XPO5: variants seen among roughly 807,000 people sequenced by gnomAD.
The protein encoded by XPO5 is exportin 5.
Under a neutral mutation model 160.6 loss-of-function variants are expected in XPO5, and 46 were observed. The observed-to-expected ratio is 0.29, with a 90% confidence interval of 0.23 to 0.37. The LOEUF is 0.37. Ranked by LOEUF, XPO5 falls within the 10% of genes least tolerant of loss-of-function variation. The pLI, the probability that XPO5 is intolerant of heterozygous loss-of-function variation, is 1.00. For synonymous variants in XPO5, 537 were observed against 519.3 expected (o/e 1.03, Z -0.46); for missense variants, 1,090 against 1,463.9 (o/e 0.74, Z 4.17).
In XPO5 at chr6:43,525,158, A is replaced by G; in HGVS notation, c.3123T>C (p.Thr1041=). The change falls in exon 29 of 32, where the codon ACT becomes ACC. Residue 1041 remains threonine, a synonymous_variant. Coordinates refer to ENST00000265351, the MANE Select transcript of XPO5 (RefSeq NM_020750.3). ...TAFNSLAWKD[T]LSCQRTTSQL... ...GTGAGGTTGTCCTCTGGCAGGACAG[A>G]GTATCTTTCCAGGCCAGGGAATTGA... is the stretch of plus-strand genomic sequence containing the variant. 6.3e-7 allele frequency: 1 copy of G among 1,585,268 alleles called. No individual in the cohort carries two copies.
At chr6:43,560,425 T>C in intron 10 of XPO5, 122 bp from the exon 11 acceptor site, 1 of 1,239,046 alleles carries the variant, frequency 8.1e-7, no homozygotes, top group Non-Finnish European at 1.1e-6. Context: ...TTTGAAGCTG[T>C]CTCTACTGCA....
chr6:43,555,684 A>G, intron 13 of XPO5, 152 bp downstream of exon 13: 1 of 888,296 alleles, frequency 1.1e-6, no homozygotes, highest in Non-Finnish European at 1.6e-6. Flanking sequence ...GTGTCAGCCA[A>G]TGAAAACGCT....
At chr6:43,524,780 G>T in intron 30 of XPO5, 51 bp downstream of exon 30, 2 of 1,608,170 alleles carry the variant, frequency 1.2e-6, no homozygotes, top group South Asian at 2.2e-5. Context: ...ACTAGGAGCA[G>T]ACTGAGTGAT....
intron 20 of XPO5, chr6:43,538,839 C>G (rs1582211233): frequency 1.7e-6 from 2 of 1,201,080 alleles, no homozygotes. Flanking sequence ...GTAGCCACAG[C>G]TGGAGCCTGG....
At chr6:43,562,429 G>C in intron 8 of XPO5, 83 bp from the exon 9 acceptor site, 1 of 1,037,716 alleles carries the variant, frequency 9.6e-7, no homozygotes, top group South Asian at 1.4e-5. Flanking sequence ...ATTTCTCCAA[G>C]TCATTTAGTT....
chr6:43,532,560 C>CT (rs1794050106), intron 21 of XPO5, among the ~76,000 whole-genome samples: 1 of 152,214 alleles, frequency 6.6e-6, no homozygotes, highest in Non-Finnish European at 1.5e-5. Context: ...TCTCTATGTT[C>CT]TGGACATACC....
intron 20 of XPO5, among the ~76,000 whole-genome samples, chr6:43,534,465 T>C (rs1183801631): frequency 2.6e-5 from 4 of 152,266 alleles, no homozygotes; most frequent in Middle Eastern, 3.4e-3. Flanking sequence ...TTGGACCTGA[T>C]AGAGGAACAC....
Position 43,546,730 on chromosome 6 carries a change from A to G in XPO5, c.2183T>C (p.Ile728Thr), listed in dbSNP as rs1370858364. The part of the protein sequence containing the change: ...RARMSFCVYS[I>T]LGVVKRTCWP... ...GCAAGTTCGTTTCACCACACCCAGA[A>G]TGCTGTATACACAAAAGCTCATCTA... Residue 728 changes from isoleucine (I) to threonine (T), a missense_variant, in exon 20 of 32, where the codon ATT becomes ACT. By Grantham distance (89) the Ile-to-Thr change is moderately conservative. This residue lies in a region of XPO5 where 810 missense variants were observed against 1,139.0 expected (regional missense o/e 0.71). Transcript: ENST00000265351. 8 of 1,608,964 alleles carry G rather than the reference A, an allele frequency of 5.0e-6. No individual in the cohort carries two copies. The highest frequency in any genetic ancestry group is 1.3e-5 in the African/African-American group (1 of 74,756).
chr6:43,568,741 A>G lies in XPO5; in HGVS notation c.622-4T>C. On this transcript the variant is annotated splice_polypyrimidine_tract_variant and splice_region_variant and intron_variant, in intron 5 of 31. Coordinates refer to ENST00000265351, the MANE Select transcript of XPO5 (RefSeq NM_020750.3). ...ACTCCTGAGAAGTATCTGTCTTCTG[A>G]AAGGAAGTATAAAGATCCAGTGTTT... The G allele has an allele frequency of 6.4e-7, 1 of 1,574,766 alleles. No individual in the cohort carries two copies. The highest frequency in any genetic ancestry group is 8.6e-7 in the Non-Finnish European group (1 of 1,158,126).
Position 43,570,489 on chromosome 6 carries a change from G to C in XPO5, c.621+13C>G, listed in dbSNP as rs770585731. ...TGGAAAATAGAAATGTTATAGGTAG[G>C]GGTATCCCTTACCACTTGCTGATAC... On this transcript the variant is annotated intron_variant, in intron 5 of 31. Coordinates refer to ENST00000265351, the MANE Select transcript of XPO5 (RefSeq NM_020750.3). 1 of 1,610,586 alleles carries C rather than the reference G, an allele frequency of 6.2e-7. No individual in the cohort carries two copies. Among genetic ancestry groups the C allele is most frequent in the Non-Finnish European group, 8.5e-7 (1 of 1,178,284 alleles).
At chr6:43,573,747 T>C (rs1763129456) in intron 1 of XPO5, 146 bp from the exon 2 acceptor site, 2 of 938,514 alleles carry the variant, frequency 2.1e-6, no homozygotes, top group South Asian at 3.5e-5. Context: ...GGTGGACTAC[T>C]TGAGTCTAGG....
intron 1 of XPO5, among the ~76,000 whole-genome samples, chr6:43,575,337 G>A (rs1763248586): frequency 6.6e-6 from 1 of 152,174 alleles, no homozygotes; most frequent in East Asian, 1.9e-4. Context: ...GGGCCAGCAG[G>A]AAAACGTTTA....
intron 5 of XPO5, among the ~76,000 whole-genome samples, chr6:43,570,003 CTTT>C (rs35322286): frequency 1.6e-3 from 134 of 85,372 alleles, no homozygotes; most frequent in Non-Finnish European, 2.6e-3. Flanking sequence ...AGATCCCTAT[CTTT>C]TTTTTTTTTT....
At chr6:43,533,054 G>C (rs1794082783) in intron 21 of XPO5, among the ~76,000 whole-genome samples, 1 of 152,174 alleles carries the variant, frequency 6.6e-6, no homozygotes, top group Non-Finnish European at 1.5e-5. Context: ...AGAATCACTT[G>C]AACCTGGAAG....
chr6:43,564,918 TTCTC>T (rs1280916222), intron 8 of XPO5, among the ~76,000 whole-genome samples: 235 of 151,146 alleles, frequency 1.6e-3, no homozygotes, highest in African/African-American at 5.2e-3. Context: ...CTGCCTCATT[TTCTC>T]TCTTTTTTTT....
chr6:43,551,587 C>CT, intron 14 of XPO5, 134 bp from the exon 15 acceptor site: 1 of 1,055,650 alleles, frequency 9.5e-7, no homozygotes. Context: ...CACAGTGGCA[C>CT]AATCATCACT....
At chr6:43,560,156 T>C (rs1762343084) in intron 11 of XPO5, 22 bp downstream of exon 11, 1 of 1,608,012 alleles carries the variant, frequency 6.2e-7, no homozygotes, top group Non-Finnish European at 8.5e-7. Context: ...ACATTCCACA[T>C]GTTTAGATTC....
intron 23 of XPO5, 59 bp from the exon 24 acceptor site, chr6:43,528,984 G>T (rs1427907638): frequency 1.3e-6 from 2 of 1,510,094 alleles, no homozygotes; most frequent in Admixed American, 3.8e-5. Flanking sequence ...CCTGCCAGGT[G>T]GTGGGTTGCA....
At chr6:43,531,899 C>T (rs1794008222) in intron 21 of XPO5, among the ~76,000 whole-genome samples, 1 of 152,096 alleles carries the variant, frequency 6.6e-6, no homozygotes, top group Non-Finnish European at 1.5e-5. Flanking sequence ...AGTTATGAAA[C>T]CCCTTTTTTA....
Sources: gnomAD v4.1 joint callset for allele counts (sites outside exome capture counted in the v4.1 genomes callset) on GRCh38, gnomAD v4.1.1 for gene constraint, gnomAD v4.1.1 regional missense constraint, MANE v1.5 for transcripts, NCBI Gene and HGNC (gene_info 2026-07-23, HGNC 2026-07-21) for gene names.